PTPRM: variants seen among roughly 807,000 people sequenced by gnomAD.
PTPRM encodes the protein receptor-type tyrosine-protein phosphatase mu.
In PTPRM, 47 loss-of-function variants were observed where a neutral mutation model predicts 186.7. The observed-to-expected ratio is 0.25, with a 90% confidence interval of 0.20 to 0.32. The LOEUF (loss-of-function observed/expected upper bound fraction) is 0.32. Among genes scored for constraint, PTPRM ranks in the 10% least tolerant of loss-of-function variants. The pLI, the probability that PTPRM is intolerant of heterozygous loss-of-function variation, is 1.00. For synonymous variants in PTPRM, 668 were observed against 674.9 expected, an observed-to-expected ratio of 0.99 and a Z score of 0.16; for missense variants, 1,494 against 1,865.0, an observed-to-expected ratio of 0.80 and a Z score of 3.66.
At chr18:7,586,835 T>C (rs1035434880) in intron 1 of PTPRM, among the ~76,000 whole-genome samples, 2 of 152,158 alleles carry the variant, frequency 1.3e-5, no homozygotes, top group African/African-American at 4.8e-5. Context: ...TGTACAAACA[T>C]CTTTTAAAGG....
intron 3 of PTPRM, among the ~76,000 whole-genome samples, chr18:7,889,392 A>G (rs1042952196): frequency 2.9e-5 from 4 of 139,606 alleles, no homozygotes; most frequent in African/African-American, 1.1e-4. Flanking sequence ...GCTGGAGTAC[A>G]GTGTTGTGAT....
intron 2 of PTPRM, among the ~76,000 whole-genome samples, chr18:7,832,141 G>A (rs967106068): frequency 6.6e-6 from 1 of 152,122 alleles, no homozygotes; most frequent in South Asian, 2.1e-4. Flanking sequence ...GGATATATAT[G>A]TGCAGTGGGA....
intron 23 of PTPRM, among the ~76,000 whole-genome samples, chr18:8,361,580 G>T (rs910120508): frequency 3.9e-5 from 6 of 152,208 alleles, no homozygotes; most frequent in Non-Finnish European, 4.4e-5. Flanking sequence ...CCCAGGATTT[G>T]AACTCTGGAA....
chr18:8,376,068 A>T lies in PTPRM; in HGVS notation c.3194A>T (p.Glu1065Val). The change falls in exon 25 of 33, where the codon GAG becomes GTG. Residue 1065 changes from glutamate to valine, a missense_variant. Coordinates refer to ENST00000580170, the MANE Select transcript of PTPRM (RefSeq NM_001105244.2). ...VEKRGVHEIR[E>V]IRQFHFTGWP... is the part of the protein sequence containing the mutation. ...CAGAGAGGTGTGCATGAAATCCGAGAGATCAGACAGTTTCACTTCACTGGC... is the reference window on the plus strand; with the variant it reads ...CAGAGAGGTGTGCATGAAATCCGAGTGATCAGACAGTTTCACTTCACTGGC... 1 of 1,611,594 alleles carries T rather than the reference A, an allele frequency of 6.2e-7. No individual in the cohort carries two copies. Among genetic ancestry groups the T allele is most frequent in the Non-Finnish European group, 8.5e-7 (1 of 1,177,900 alleles).
intron 22 of PTPRM, among the ~76,000 whole-genome samples, chr18:8,327,288 G>A (rs2095383384): frequency 6.6e-6 from 1 of 152,170 alleles, no homozygotes; most frequent in Non-Finnish European, 1.5e-5. Flanking sequence ...AAAGACCACA[G>A]AAACTGATAT....
At chr18:8,042,553 A>G (rs1052698502) in intron 7 of PTPRM, among the ~76,000 whole-genome samples, 6 of 152,274 alleles carry the variant, frequency 3.9e-5, no homozygotes, top group African/African-American at 1.4e-4. Flanking sequence ...TATTCTTTTT[A>G]AATGCTTTTC....
intron 5 of PTPRM, among the ~76,000 whole-genome samples, chr18:7,942,787 G>T (rs2052270327): frequency 6.6e-6 from 1 of 152,034 alleles, no homozygotes; most frequent in South Asian, 2.1e-4. Flanking sequence ...CAAAGTGGAG[G>T]GTGAGGTCTC....
chr18:7,727,650 C>T (rs956041361), intron 1 of PTPRM, among the ~76,000 whole-genome samples: 4 of 152,174 alleles, frequency 2.6e-5, no homozygotes, highest in Non-Finnish European at 4.4e-5. Context: ...GCCAAATTAT[C>T]ATTTCTCCCA....
intron 11 of PTPRM, among the ~76,000 whole-genome samples, chr18:8,109,706 C>A (rs2145658606): frequency 6.6e-6 from 1 of 152,168 alleles, no homozygotes; most frequent in African/African-American, 2.4e-5. Context: ...TTGTTTAAGG[C>A]AAACTAGAGC....
intron 7 of PTPRM, among the ~76,000 whole-genome samples, chr18:8,065,853 G>A (rs1486913672): frequency 6.6e-6 from 1 of 152,192 alleles, no homozygotes; most frequent in East Asian, 1.9e-4. Context: ...AATGCAGTGT[G>A]AGTTGCAATT....
intron 7 of PTPRM, among the ~76,000 whole-genome samples, chr18:7,993,389 T>C (rs1773609664): frequency 6.6e-6 from 1 of 152,066 alleles, no homozygotes; most frequent in South Asian, 2.1e-4. Flanking sequence ...GACTTCTGAA[T>C]ATACTTAACA....
Position 8,373,068 on chromosome 18 carries a change from T to C in PTPRM, c.3171+2062T>C, listed in dbSNP as rs149913654. ...GAGGTGGTGGAGGGAAGAGAAGGAATAAGGAGCTTGTTAATGCATTTGGGG... is the reference window on the plus strand; with the variant it reads ...GAGGTGGTGGAGGGAAGAGAAGGAACAAGGAGCTTGTTAATGCATTTGGGG... On this transcript the variant is annotated intron_variant, in intron 24 of 32. Transcript: ENST00000580170. Among the ~76,000 whole-genome samples, 552 of 152,288 alleles carry C rather than the reference T, an allele frequency of 3.6e-3. 1 individual carries two copies. Among genetic ancestry groups the C allele is most frequent in the African/African-American group, 0.013 (525 of 41,552 alleles).
chr18:8,379,970 G>GT (rs539195520), intron 28 of PTPRM, among the ~76,000 whole-genome samples: 263 of 152,306 alleles, frequency 1.7e-3, no homozygotes, highest in African/African-American at 6.2e-3. Flanking sequence ...TTTTAATTAT[G>GT]TGTAATTTTA....
chr18:7,722,147 G>A (rs1207482467), intron 1 of PTPRM, among the ~76,000 whole-genome samples: 1 of 152,144 alleles, frequency 6.6e-6, no homozygotes, highest in Non-Finnish European at 1.5e-5. Context: ...TCTGTGCTCT[G>A]CTTATTCACC....
intron 1 of PTPRM, among the ~76,000 whole-genome samples, chr18:7,732,725 G>T (rs746523790): frequency 3.8e-4 from 57 of 151,786 alleles, no homozygotes; most frequent in Non-Finnish European, 6.6e-4. Context: ...GGCTGGTCTC[G>T]AACTCCTGGT....
chr18:7,685,916 T>A (rs977610127), intron 1 of PTPRM, among the ~76,000 whole-genome samples: 1 of 152,070 alleles, frequency 6.6e-6, no homozygotes, highest in South Asian at 2.1e-4. Context: ...AGCAATAAAA[T>A]TGGACTGCAG....
chr18:8,005,881 T>A (rs528700099), intron 7 of PTPRM, among the ~76,000 whole-genome samples: 1 of 152,260 alleles, frequency 6.6e-6, no homozygotes, highest in Non-Finnish European at 1.5e-5. Flanking sequence ...TTTTTCCTGA[T>A]TAAAAATAAT....
At chr18:7,680,608 A>G (rs1169866193) in intron 1 of PTPRM, among the ~76,000 whole-genome samples, 1 of 152,196 alleles carries the variant, frequency 6.6e-6, no homozygotes, top group Non-Finnish European at 1.5e-5. Flanking sequence ...CCAATTGCAC[A>G]TGGGCCAGAG....
At chr18:8,391,757 A>G (rs9960332) in intron 31 of PTPRM, among the ~76,000 whole-genome samples, 7,046 of 152,324 alleles carry the variant, frequency 0.046, 187 homozygotes, top group East Asian at 0.095. Flanking sequence ...AAACTGATTC[A>G]GAATTTCATA....
Sources: allele counts gnomAD v4.1 joint callset (sites outside exome capture counted in the v4.1 genomes callset), GRCh38; gene constraint gnomAD v4.1.1; transcripts MANE v1.5; gene names NCBI Gene and HGNC (gene_info 2026-07-23, HGNC 2026-07-21).